PPP2R5A: variants seen among roughly 807,000 people sequenced by gnomAD.
PPP2R5A encodes the protein protein phosphatase 2 regulatory subunit B'alpha.
PPP2R5A carries 25 observed loss-of-function variants against 64.2 expected under a neutral mutation model. The observed-to-expected ratio is 0.39, with a 90% confidence interval of 0.28 to 0.54. The LOEUF (loss-of-function observed/expected upper bound fraction) is 0.54, where lower values mean the gene tolerates loss of function less well. PPP2R5A is among the 20% of genes least tolerant of loss of function. The probability of loss-of-function intolerance (pLI) is 0.67; values close to 1 mark genes in which losing one functional copy is unlikely to be tolerated. For synonymous variants in PPP2R5A, 198 were observed against 201.2 expected (o/e 0.98, Z 0.13); for missense variants, 425 against 576.3 (o/e 0.74, Z 2.69).
chr1:212,329,795 A>G (rs1042129231), intron 2 of PPP2R5A, among the ~76,000 whole-genome samples: 2 of 152,168 alleles, frequency 1.3e-5, no homozygotes, highest in African/African-American at 4.8e-5. Context: ...ACAGGTGCCC[A>G]CGACCACGCC....
At chr1:212,315,272 T>C (rs1659124542) in intron 1 of PPP2R5A, among the ~76,000 whole-genome samples, 1 of 152,350 alleles carries the variant, frequency 6.6e-6, no homozygotes, top group East Asian at 1.9e-4. Flanking sequence ...CCTGAGTTTG[T>C]AAGGCAGAGG....
At chr1:212,302,184 T>G (rs1417159608) in intron 1 of PPP2R5A, 3 of 1,227,538 alleles carry the variant, frequency 2.4e-6, no homozygotes, top group African/African-American at 3.0e-5. Context: ...AAGATGCATT[T>G]GAAACAGTAC....
chr1:212,329,317 G>T lies in PPP2R5A; in HGVS notation c.364G>T (p.Asp122Tyr). The T allele has an allele frequency of 1.3e-6, 2 of 1,593,160 alleles. No homozygotes were observed. The highest frequency in any genetic ancestry group is 2.3e-5 in the South Asian group (2 of 87,062). The change falls in exon 2 of 13, where the codon GAT becomes TAT. Residue 122 changes from aspartate to tyrosine, a missense_variant. Physicochemically the swap from Asp to Tyr is radical, Grantham distance 160. This residue lies in a region of PPP2R5A where 140 missense variants were observed against 204.4 expected (regional missense o/e 0.68). Coordinates refer to ENST00000261461, the MANE Select transcript of PPP2R5A (RefSeq NM_006243.4). ...TGTAATTGTTGAATCAGCGTATTCT[G>T]ATATAGTAAAAATGGTAAGCCTCTA... ...RGVIVESAYS[D>Y]IVKMISANIF...
At chr1:212,316,613 T>TA (rs1363106766) in intron 1 of PPP2R5A, among the ~76,000 whole-genome samples, 1 of 138,850 alleles carries the variant, frequency 7.2e-6, no homozygotes. Context: ...TTTTTTTTTT[T>TA]AATCTGAAAG....
chr1:212,286,771 C>G (rs1658511879), intron 1 of PPP2R5A, among the ~76,000 whole-genome samples: 1 of 152,202 alleles, frequency 6.6e-6, no homozygotes, highest in South Asian at 2.1e-4. Flanking sequence ...TTCTCAACTT[C>G]ACTTCCCATT....
chr1:212,353,902 G>A (rs1041526226), intron 8 of PPP2R5A, among the ~76,000 whole-genome samples: 3 of 151,986 alleles, frequency 2.0e-5, no homozygotes, highest in South Asian at 2.1e-4. Flanking sequence ...AACAGGCTAC[G>A]GGCCGGGCGC....
At position 212,356,925 on chromosome 1, in the gene PPP2R5A, TTAAAA is replaced by T. The variant is rs754805445; in HGVS notation, c.979-18_979-14del. 58 of 1,481,978 alleles carry T rather than the reference TTAAAA, an allele frequency of 3.9e-5. No homozygotes were observed. Among genetic ancestry groups the T allele is most frequent in the East Asian group, 1.4e-4 (6 of 42,654 alleles). The allele number at this position is 1,481,978 out of a possible 1,614,324, so 91.8% of individuals were successfully genotyped here. ...AGTTTCACATAATTTATCATGTTTC[TTAAAA>T]TAAAATTTTTTTAACCTAGGTGATG... On this transcript the variant is annotated intron_variant, in intron 9 of 12. Transcript: ENST00000261461.
intron 1 of PPP2R5A, chr1:212,297,524 AAAGACT>A (rs1454594170): frequency 2.0e-5 from 3 of 152,352 alleles, no homozygotes; most frequent in South Asian, 2.1e-4. Flanking sequence ...TAATCTAACT[AAAGACT>A]AAGACTAAGC....
rs758532155 is a variant in PPP2R5A, at chr1:212,348,428, T to C, written c.804T>C (p.His268=). The change falls in exon 7 of 13, where the codon CAT becomes CAC. Residue 268 remains histidine (H), a synonymous_variant. Coordinates refer to ENST00000261461, the MANE Select transcript of PPP2R5A (RefSeq NM_006243.4). ...TTGCATTGCCACTGAAAGCAGAACA[T>C]AAACAATTTCTAATGAAGGTTCTTA... ...NGFALPLKAE[H]KQFLMKVLIP... is the part of the protein sequence containing the mutation. 1.2e-6 allele frequency: 2 copies of C among 1,611,158 alleles called. No individual in the cohort carries two copies. Among genetic ancestry groups the C allele is most frequent in the South Asian group, 2.2e-5 (2 of 91,012 alleles).
At chr1:212,318,416 ATTT>A (rs1659200554) in intron 1 of PPP2R5A, among the ~76,000 whole-genome samples, 1 of 151,800 alleles carries the variant, frequency 6.6e-6, no homozygotes, top group East Asian at 1.9e-4. Flanking sequence ...AAATTTTTTT[ATTT>A]TTTATTTTTG....
At chr1:212,326,618 C>G (rs1371976659) in intron 1 of PPP2R5A, among the ~76,000 whole-genome samples, 1 of 151,982 alleles carries the variant, frequency 6.6e-6, no homozygotes, top group Non-Finnish European at 1.5e-5. Context: ...GACCCTGAAT[C>G]AAAAACTTTA....
chr1:212,286,425 A>G (rs1369714913), intron 1 of PPP2R5A, 134 bp downstream of exon 1: 7 of 1,010,466 alleles, frequency 6.9e-6, no homozygotes, highest in East Asian at 6.6e-5. Context: ...AGTTCCCCAC[A>G]ATGCCTTGGC....
intron 1 of PPP2R5A, among the ~76,000 whole-genome samples, chr1:212,313,487 G>T (rs1659078367): frequency 6.6e-6 from 1 of 151,358 alleles, no homozygotes; most frequent in South Asian, 2.1e-4. Flanking sequence ...TTTTCCTATA[G>T]ATTTTGGGTT....
chr1:212,301,523 A>AT (rs1305111702), intron 1 of PPP2R5A, among the ~76,000 whole-genome samples: 1 of 152,148 alleles, frequency 6.6e-6, no homozygotes, highest in Non-Finnish European at 1.5e-5. Context: ...GATGTCTACA[A>AT]TTTTTTCCCA....
At chr1:212,339,395 T>C (rs942048514) in intron 3 of PPP2R5A, among the ~76,000 whole-genome samples, 60 of 152,288 alleles carry the variant, frequency 3.9e-4, no homozygotes, top group African/African-American at 1.3e-3. Context: ...CAGGCTGGTC[T>C]GGAACTCCCG....
At chr1:212,353,549 C>T (rs1419715329) in intron 8 of PPP2R5A, among the ~76,000 whole-genome samples, 3 of 152,138 alleles carry the variant, frequency 2.0e-5, no homozygotes, top group Non-Finnish European at 2.9e-5. Flanking sequence ...TGAAAGGCCA[C>T]CTTTGTCATA....
chr1:212,350,540 G>C (rs1256383501), intron 8 of PPP2R5A, among the ~76,000 whole-genome samples: 2 of 151,964 alleles, frequency 1.3e-5, no homozygotes, highest in Non-Finnish European at 2.9e-5. Context: ...TGTGGTCCCA[G>C]CTACTCAGAT....
At chr1:212,322,281 G>GGAGAGT (rs1352307470) in intron 1 of PPP2R5A, among the ~76,000 whole-genome samples, 1 of 135,530 alleles carries the variant, frequency 7.4e-6, no homozygotes, top group Non-Finnish European at 1.6e-5. Flanking sequence ...AGAGGGAGAG[G>GGAGAGT]AGGGAGAGGG....
At chr1:212,345,717 G>T in intron 4 of PPP2R5A, 86 bp from the exon 5 acceptor site, 1 of 1,434,132 alleles carries the variant, frequency 7.0e-7, no homozygotes. Flanking sequence ...TTTAAAAGAT[G>T]TCATGGATAA....
Sources: gnomAD v4.1 joint callset for allele counts (sites outside exome capture counted in the v4.1 genomes callset) on GRCh38, gnomAD v4.1.1 for gene constraint, gnomAD v4.1.1 regional missense constraint, MANE v1.5 for transcripts, NCBI Gene and HGNC (gene_info 2026-07-23, HGNC 2026-07-21) for gene names.